The following CNBD2 variants were observed in gnomAD, a reference collection of about 807,000 sequenced individuals.
CNBD2 encodes the protein cyclic nucleotide binding domain containing 2.
Under a neutral mutation model 63.7 loss-of-function variants are expected in CNBD2, and 64 were observed. That is an observed-to-expected ratio of 1.00 (90% CI 0.82 to 1.24). The LOEUF is 1.24. Ranked by LOEUF, CNBD2 falls within the 50% of genes most tolerant of loss-of-function variation. The pLI is 0.00. For synonymous variants in CNBD2, 229 were observed against 255.4 expected (o/e 0.90, Z 0.99); for missense variants, 691 against 713.5 (o/e 0.97, Z 0.36).
chr20:35,999,613 A>G (rs2056869536), intron 8 of CNBD2, among the ~76,000 whole-genome samples: 1 of 152,062 alleles, frequency 6.6e-6, no homozygotes, highest in Non-Finnish European at 1.5e-5. Flanking sequence ...GTGATATATT[A>G]TACTTTAATG....
intron 8 of CNBD2, among the ~76,000 whole-genome samples, chr20:36,006,344 A>C (rs554938851): frequency 1.3e-5 from 2 of 152,028 alleles, no homozygotes; most frequent in South Asian, 4.2e-4. Context: ...CTCTTTTTTA[A>C]TCAATGTTCT....
chr20:35,963,837 G>T (rs915812296), upstream of CNBD2, among the ~76,000 whole-genome samples: 5 of 152,082 alleles, frequency 3.3e-5, no homozygotes, highest in Non-Finnish European at 7.3e-5. Flanking sequence ...ACTAAATAGA[G>T]AATTTTTGAC....
chr20:35,995,076 C>A lies in CNBD2; in HGVS notation c.894C>A (p.Ala298=), dbSNP rs148809575. The change falls in exon 8 of 12, where the codon GCC becomes GCA. Residue 298 remains alanine, a synonymous_variant. Coordinates refer to ENST00000373973, the MANE Select transcript of CNBD2 (RefSeq NM_001365709.1). The part of the protein sequence containing the change: ...CEVLRLLDLG[A]SPSYRRWIWQ... ...TCCTGCGGCTGTTGGACCTTGGGGC[C>A]TCCCCTTCCTACCGTAGATGGATCT... 1 of 1,614,104 alleles carries A rather than the reference C, an allele frequency of 6.2e-7. No individual in the cohort carries two copies. Among genetic ancestry groups the A allele is most frequent in the African/African-American group, 1.3e-5 (1 of 75,032 alleles).
At chr20:35,964,232 G>A (rs2056328207), upstream of CNBD2, among the ~76,000 whole-genome samples, 2 of 151,838 alleles carry the variant, frequency 1.3e-5, no homozygotes, top group South Asian at 4.2e-4. Flanking sequence ...CCAGGCTGGA[G>A]TGCAGTGGTG....
At chr20:35,970,779 G>C (rs780775077) in intron 1 of CNBD2, among the ~76,000 whole-genome samples, 1 of 151,966 alleles carries the variant, frequency 6.6e-6, no homozygotes, top group African/African-American at 2.4e-5. Flanking sequence ...GCAGTGGCAC[G>C]ATCATAGCTC....
intron 10 of CNBD2, among the ~76,000 whole-genome samples, chr20:36,019,391 T>G (rs906687551): frequency 1.3e-5 from 2 of 151,560 alleles, no homozygotes; most frequent in African/African-American, 4.9e-5. Flanking sequence ...GGTGTGGTGG[T>G]GCACACCTGT....
chr20:35,978,164 A>G (rs746914537), intron 3 of CNBD2, among the ~76,000 whole-genome samples: 1 of 152,096 alleles, frequency 6.6e-6, no homozygotes, highest in Non-Finnish European at 1.5e-5. Flanking sequence ...CAGTCTTGAC[A>G]TTTATGTAAA....
chr20:35,957,149 G>A (rs1308414684), downstream of CNBD2, among the ~76,000 whole-genome samples: 1 of 152,182 alleles, frequency 6.6e-6, no homozygotes, highest in Non-Finnish European at 1.5e-5. Flanking sequence ...GGACCTGAGA[G>A]ATCTATTAGA....
At chr20:36,000,740 A>T (rs1601067245) in intron 8 of CNBD2, among the ~76,000 whole-genome samples, 15 of 126,144 alleles carry the variant, frequency 1.2e-4, no homozygotes, top group East Asian at 2.3e-4. Flanking sequence ...TTTTTTTTTC[A>T]TTTGTGTATG....
intron 10 of CNBD2, among the ~76,000 whole-genome samples, chr20:36,015,173 A>G (rs1601094070): frequency 6.6e-6 from 1 of 152,122 alleles, no homozygotes; most frequent in East Asian, 1.9e-4. Flanking sequence ...CCTTTGAGAA[A>G]TGTCTATTCA....
intron 6 of CNBD2, among the ~76,000 whole-genome samples, chr20:35,985,254 G>A (rs1049329331): frequency 2.6e-5 from 4 of 152,028 alleles, no homozygotes; most frequent in South Asian, 2.1e-4. Context: ...AGTTGTGATC[G>A]CATCACTGCA....
At chr20:35,960,578 G>T (rs1028595389) in intron 2 of CNBD2, among the ~76,000 whole-genome samples, 23 of 152,096 alleles carry the variant, frequency 1.5e-4, no homozygotes, top group African/African-American at 5.1e-4. Context: ...GCCTCAAACT[G>T]CTGGGCCCAA....
At chr20:36,020,766 A>AG (rs2057196761) in intron 10 of CNBD2, among the ~76,000 whole-genome samples, 1 of 152,078 alleles carries the variant, frequency 6.6e-6, no homozygotes, top group Admixed American at 6.6e-5. Context: ...ATTGACTAGG[A>AG]GGGCCTTTGT....
At chr20:36,014,488 C>T (rs1305997079) in intron 10 of CNBD2, among the ~76,000 whole-genome samples, 1 of 151,722 alleles carries the variant, frequency 6.6e-6, no homozygotes. Flanking sequence ...CGCCGCCATG[C>T]CTGACTAACT....
In CNBD2 at chr20:36,017,860, C is replaced by G. The variant is rs568520022; in HGVS notation, c.1270-5742C>G. Among the ~76,000 whole-genome samples the G allele has an allele frequency of 3.3e-5, 5 of 152,332 alleles. No homozygotes were observed. In the East Asian group the frequency reaches 9.7e-4, roughly 29 times the overall value. On this transcript the variant is annotated intron_variant, in intron 10 of 11. Coordinates refer to ENST00000373973, the MANE Select transcript of CNBD2 (RefSeq NM_001365709.1). ...CCACCTCTGCGCCCACACACCGCTC[C>G]TCCTGCCACTCAGCTCTGTCACCTG...
intron 8 of CNBD2, among the ~76,000 whole-genome samples, chr20:36,006,668 T>C (rs527918007): frequency 1.3e-5 from 2 of 152,258 alleles, no homozygotes; most frequent in Non-Finnish European, 2.9e-5. Flanking sequence ...CCTCCTGCCT[T>C]GGCCTTCCAA....
At chr20:36,012,973 G>C (rs2057082752) in intron 10 of CNBD2, among the ~76,000 whole-genome samples, 1 of 152,148 alleles carries the variant, frequency 6.6e-6, no homozygotes, top group Admixed American at 6.5e-5. Context: ...TGGAGTTCAG[G>C]AGATGGGATG....
Position 35,960,492 on chromosome 20 carries a change from G to A in CNBD2, c.228+2718G>A, listed in dbSNP as rs144844806. Among the ~76,000 whole-genome samples the A allele has an allele frequency of 3.5e-3, 531 of 152,264 alleles. 4 individuals carry two copies. The highest frequency in any genetic ancestry group is 0.012 in the African/African-American group (509 of 41,542). Reference sequence around the variant, plus strand: ...GTAGCTGGGACCACAGGCGCGTACCGCCATGCCCCACTAATTGTTTTTTTG... The same window carrying A: ...GTAGCTGGGACCACAGGCGCGTACCACCATGCCCCACTAATTGTTTTTTTG... On this transcript the variant is annotated intron_variant, in intron 2 of 4. Coordinates refer to the CNBD2 transcript ENST00000622112.
upstream of CNBD2, among the ~76,000 whole-genome samples, chr20:35,967,210 C>T (rs548961299): frequency 6.7e-6 from 1 of 149,128 alleles, no homozygotes; most frequent in East Asian, 2.0e-4. Context: ...CCCTCCTCTG[C>T]ATGCCATTTA....
Sources: allele counts gnomAD v4.1 joint callset (sites outside exome capture counted in the v4.1 genomes callset), GRCh38; gene constraint gnomAD v4.1.1; transcripts MANE v1.5; gene names NCBI Gene and HGNC (gene_info 2026-07-23, HGNC 2026-07-21).